The following MAPK14 variants were observed in gnomAD, a reference collection of about 807,000 sequenced individuals.
MAPK14 encodes the protein CSAID-binding protein.
A neutral mutation model predicts 49.6 loss-of-function variants in MAPK14; 16 were observed. The observed-to-expected ratio is 0.32, with a 90% CI of 0.22 to 0.49. MAPK14 has a LOEUF of 0.49. Ranked by LOEUF, MAPK14 falls within the 20% of genes least tolerant of loss-of-function variation. The pLI is 0.99. For missense variants in MAPK14, 200 were observed against 441.2 expected, an observed-to-expected ratio of 0.45 and a Z score of 4.90; for synonymous variants, 142 against 158.0, an observed-to-expected ratio of 0.90 and a Z score of 0.76.
intron 8 of MAPK14, among the ~76,000 whole-genome samples, chr6:36,083,626 T>TC (rs927807320): frequency 6.6e-6 from 1 of 152,100 alleles, no homozygotes; most frequent in African/African-American, 2.4e-5. Context: ...CTCTGACTCA[T>TC]CCCCCTACAC....
rs372374942 is a variant in MAPK14 at position 36,038,117 on chromosome 6, G to A, written c.116+9844G>A. On this transcript the variant is annotated intron_variant, in intron 1 of 11. Coordinates refer to ENST00000229794, the MANE Select transcript of MAPK14 (RefSeq NM_139012.3). ...AAGTGCTGTGGAGAAAATGCAAGAAGGGAAGGAGAGTGAGTGCTAGGATGG... is the reference window on the plus strand; with the variant it reads ...AAGTGCTGTGGAGAAAATGCAAGAAAGGAAGGAGAGTGAGTGCTAGGATGG... Among the ~76,000 whole-genome samples, 180 of 152,266 alleles carry A rather than the reference G, an allele frequency of 1.2e-3. 3 individuals are homozygous for A. In the South Asian group the frequency reaches 0.036, roughly 30 times the overall value.
At chr6:36,049,594 C>T (rs115558076) in intron 1 of MAPK14, among the ~76,000 whole-genome samples, 10 of 152,148 alleles carry the variant, frequency 6.6e-5, no homozygotes, top group African/African-American at 2.4e-4. Flanking sequence ...ACTGATGCTG[C>T]TGATCTGGGA....
downstream of MAPK14, among the ~76,000 whole-genome samples, chr6:36,113,086 A>G (rs1766003380): frequency 6.6e-6 from 1 of 152,184 alleles, no homozygotes; most frequent in South Asian, 2.1e-4. Flanking sequence ...CCTTTTATTT[A>G]TAATGCAGAT....
downstream of MAPK14, among the ~76,000 whole-genome samples, chr6:36,112,462 C>T (rs116399928): frequency 0.011 from 1,707 of 152,224 alleles, 41 homozygotes; most frequent in African/African-American, 0.038. Context: ...ATGACAAAAG[C>T]ATGTTCATAA....
At chr6:36,029,552 G>A (rs1310458027) in intron 1 of MAPK14, among the ~76,000 whole-genome samples, 4 of 152,146 alleles carry the variant, frequency 2.6e-5, no homozygotes, top group Non-Finnish European at 4.4e-5. Flanking sequence ...TTGAAAACGG[G>A]CCTGTAAAAT....
intron 11 of MAPK14, among the ~76,000 whole-genome samples, 156 bp from the exon 12 acceptor site, chr6:36,108,224 C>T (rs1343671603): frequency 6.6e-6 from 1 of 152,184 alleles, no homozygotes; most frequent in East Asian, 1.9e-4. Context: ...TGTGTGATAA[C>T]GTGTTCCAGT....
intron 3 of MAPK14, among the ~76,000 whole-genome samples, chr6:36,063,183 A>C (rs1461423212): frequency 6.6e-6 from 1 of 152,160 alleles, no homozygotes; most frequent in African/African-American, 2.4e-5. Flanking sequence ...TTGCTCCCAT[A>C]CTACAAACCT....
In MAPK14 at chr6:36,076,834, A is replaced by G. The variant is rs544242689; in HGVS notation, c.682+226A>G. 4 of 409,846 alleles carry G rather than the reference A, an allele frequency of 9.8e-6. No individual in the cohort carries two copies. In the South Asian group the frequency reaches 1.3e-4, roughly 13 times the overall value. The allele number at this position is 409,846 out of a possible 1,614,324, so 25.4% of individuals were successfully genotyped here. On this transcript the variant is annotated intron_variant, in intron 8 of 11. Transcript: ENST00000229794. ...AAATTCCTCATAAGTTGAAAAACCC[A>G]TCAAGTCTGTCTTCTTTTTGCAACA...
At chr6:36,105,850 A>T (rs1765782247) in intron 10 of MAPK14, among the ~76,000 whole-genome samples, 1 of 152,202 alleles carries the variant, frequency 6.6e-6, no homozygotes, top group African/African-American at 2.4e-5. Context: ...CTTTTTCACC[A>T]CAGTGATAAC....
intron 9 of MAPK14, among the ~76,000 whole-genome samples, chr6:36,101,203 G>C (rs925727475): frequency 6.6e-5 from 10 of 152,164 alleles, no homozygotes; most frequent in African/African-American, 2.4e-4. Flanking sequence ...ACTTTGGAAG[G>C]CTGAGATGGG....
At chr6:36,050,560 T>C (rs2127414912) in intron 1 of MAPK14, among the ~76,000 whole-genome samples, 1 of 152,246 alleles carries the variant, frequency 6.6e-6, no homozygotes, top group Admixed American at 6.5e-5. Context: ...TTGCCAAGAA[T>C]GATGACAGAA....
chr6:36,027,924 A>C lies in MAPK14; in HGVS notation c.-234A>C, dbSNP rs1308596739. 4.8e-6 allele frequency: 2 copies of C among 415,604 alleles called. No homozygotes were observed. The allele number at this position is 415,604 out of a possible 1,614,324, so 25.7% of individuals were successfully genotyped here. On this transcript the variant is annotated 5_prime_UTR_variant, in exon 1 of 12. Transcript: ENST00000229794. ...CGGCGGGCGCAGTCTTGAGCGCCGGAGCGCGTCCCTGCCCTTAGCGGGGCT... is the reference window on the plus strand; with the variant it reads ...CGGCGGGCGCAGTCTTGAGCGCCGGCGCGCGTCCCTGCCCTTAGCGGGGCT...
At chr6:36,075,757 A>G (rs1264645908) in intron 6 of MAPK14, 91 bp from the exon 7 acceptor site, 2 of 1,567,256 alleles carry the variant, frequency 1.3e-6, no homozygotes, top group Non-Finnish European at 8.7e-7. Context: ...TAATAAGGCA[A>G]CAGAGGTTTG....
At chr6:36,105,958 C>A (rs1270992143) in intron 10 of MAPK14, among the ~76,000 whole-genome samples, 1 of 152,164 alleles carries the variant, frequency 6.6e-6, no homozygotes, top group South Asian at 2.1e-4. Context: ...CATTTTGTAA[C>A]CCCTTATGAA....
At position 36,107,697 on chromosome 6, in the gene MAPK14, A is replaced by G; in HGVS notation, c.1015+69A>G. 8.1e-7 allele frequency: 1 copy of G among 1,229,324 alleles called. No individual in the cohort carries two copies. The highest frequency in any genetic ancestry group is 1.1e-6 in the Non-Finnish European group (1 of 903,334). The allele number at this position is 1,229,324 out of a possible 1,614,324, so 76.2% of individuals were successfully genotyped here. On this transcript the variant is annotated intron_variant, in intron 11 of 11. Transcript: ENST00000229794. This position sits in a 1 kb window ranked among gnomAD's most constrained non-coding sequence, Gnocchi z 4.3. ...AAGCGGTGGGAAAAATAAAAACTGA[A>G]TGGTCATAACCAACTTGCTAAAGCT...
intron 1 of MAPK14, among the ~76,000 whole-genome samples, chr6:36,048,336 C>T (rs544199291): frequency 6.6e-6 from 1 of 152,342 alleles, no homozygotes; most frequent in East Asian, 1.9e-4. Context: ...AGCCACTGCA[C>T]CCAACCCGTT....
chr6:36,052,847 G>A lies in MAPK14; in HGVS notation c.246+19G>A. ...TGAAAATGTAAGTTATTCATTCAAG[G>A]AAGAATACATTTTGATCTTGAATAG... On this transcript the variant is annotated intron_variant, in intron 2 of 11. Transcript: ENST00000229794. The A allele has an allele frequency of 6.3e-7, 1 of 1,594,936 alleles. No individual in the cohort carries two copies. The highest frequency in any genetic ancestry group is 8.6e-7 in the Non-Finnish European group (1 of 1,169,020).
intron 8 of MAPK14, among the ~76,000 whole-genome samples, chr6:36,083,968 C>G (rs1764871935): frequency 6.6e-6 from 1 of 152,174 alleles, no homozygotes; most frequent in African/African-American, 2.4e-5. Flanking sequence ...TGGTGCCCCT[C>G]TGGGACGGAG....
At position 36,058,711 on chromosome 6, in the gene MAPK14, C is replaced by T. The variant is rs139587684; in HGVS notation, c.247-578C>T. ...GCCAGAAGGTCAAGACCAGCCTGGGCAATCTAGTGAGACACATCTGTACAA... is the reference window on the plus strand; with the variant it reads ...GCCAGAAGGTCAAGACCAGCCTGGGTAATCTAGTGAGACACATCTGTACAA... On this transcript the variant is annotated intron_variant, in intron 2 of 11. Transcript: ENST00000229794. 6.7e-3 allele frequency among the ~76,000 whole-genome samples: 1,018 copies of T among 152,026 alleles called. 9 individuals are homozygous for T. Among genetic ancestry groups the T allele is most frequent in the African/African-American group, 0.023 (966 of 41,428 alleles).
Sources: gnomAD v4.1 joint callset for allele counts (sites outside exome capture counted in the v4.1 genomes callset) on GRCh38, gnomAD v4.1.1 for gene constraint, Gnocchi (gnomAD v3.1) non-coding constraint, MANE v1.5 for transcripts, NCBI Gene and HGNC (gene_info 2026-07-23, HGNC 2026-07-21) for gene names.